ABHD12: variants seen among roughly 807,000 people sequenced by gnomAD.
The protein encoded by ABHD12 is abhydrolase domain containing 12, lysophospholipase, also known as lysophosphatidylserine lipase ABHD12.
ABHD12 carries 43 observed loss-of-function variants against 58.3 expected under a neutral mutation model. The observed-to-expected ratio is 0.74, with a 90% CI of 0.58 to 0.95. ABHD12 has a LOEUF of 0.95. ABHD12 is among the 40% of genes least tolerant of loss of function. The pLI, the probability that ABHD12 is intolerant of heterozygous loss-of-function variation, is 0.00. For synonymous variants in ABHD12, 219 were observed against 211.2 expected (o/e 1.04, Z -0.32); for missense variants, 539 against 537.2 (o/e 1.00, Z -0.03).
Position 25,309,491 on chromosome 20 carries a change from C to T in ABHD12, c.704G>A (p.Ser235Asn). Residue 235 changes from serine to asparagine, a missense_variant, in exon 7 of 13, where the codon AGT (serine) becomes AAT (asparagine). Ser to Asn is a conservative substitution (Grantham distance 46, BLOSUM62 1). Coordinates refer to ENST00000339157, the MANE Select transcript of ABHD12 (RefSeq NM_001042472.3). ...LHVFDWIKAR[S>N]GDNPVYIWGH... ...CCAGATGTACACGGGGTTGTCACCA[C>T]TTCTTGCTTTGATCCAGTCAAAAAC... is the stretch of plus-strand genomic sequence containing the variant. 6.2e-7 allele frequency: 1 copy of T among 1,614,218 alleles called. No individual in the cohort carries two copies. Among genetic ancestry groups the T allele is most frequent in the Middle Eastern group, 1.6e-4 (1 of 6,062 alleles).
intron 12 of ABHD12, 70 bp from the exon 13 acceptor site, chr20:25,300,954 A>G (rs1313131439): frequency 3.3e-6 from 5 of 1,501,786 alleles, no homozygotes; most frequent in East Asian, 2.3e-5. Context: ...CAGTCCTCAC[A>G]CTGCTATCTA....
At chr20:25,327,714 T>C (rs2089199987) in intron 2 of ABHD12, among the ~76,000 whole-genome samples, 1 of 152,110 alleles carries the variant, frequency 6.6e-6, no homozygotes. Context: ...AGGACTAACA[T>C]TTTGGCCACA....
chr20:25,329,644 T>TA (rs757116767), intron 2 of ABHD12, among the ~76,000 whole-genome samples: 42 of 152,316 alleles, frequency 2.8e-4, no homozygotes, highest in Middle Eastern at 3.4e-3. Flanking sequence ...GGCTGAAACT[T>TA]ACTGAGCTGT....
intron 1 of ABHD12, among the ~76,000 whole-genome samples, chr20:25,370,508 G>A (rs146822892): frequency 1.6e-3 from 247 of 152,306 alleles, no homozygotes; most frequent in Middle Eastern, 3.4e-3. Context: ...TTTCTCTCAA[G>A]TGACACTGGC....
intron 10 of ABHD12, among the ~76,000 whole-genome samples, chr20:25,304,103 A>G (rs998583319): frequency 1.3e-5 from 2 of 152,262 alleles, no homozygotes; most frequent in Non-Finnish European, 2.9e-5. Context: ...AAACCACATA[A>G]CAGAAGCATG....
downstream of ABHD12, chr20:25,297,927 C>T (rs1394383427): frequency 2.0e-5 from 3 of 152,318 alleles, no homozygotes; most frequent in Admixed American, 6.5e-5. Flanking sequence ...CCACTGGGGC[C>T]ACCACCCTGA....
rs1177564412 is a variant in ABHD12 at position 25,312,796 on chromosome 20, G to T, written c.619+2129C>A. On this transcript the variant is annotated intron_variant, in intron 6 of 12. Transcript: ENST00000339157. ...GGGAGCGCCTCTGCCCCGCCGCCCC[G>T]TCTGGGATGTGAGGAGCGCCTCTGC... Among the ~76,000 whole-genome samples the T allele has an allele frequency of 1.6e-3, 234 of 143,840 alleles. 1 individual carries two copies. The highest frequency in any genetic ancestry group is 5.8e-3 in the African/African-American group (220 of 38,166). The allele number at this position is 143,840 out of a possible 152,430, so 94.4% of individuals were successfully genotyped here. A position where few individuals can be genotyped will look rare whatever the true frequency, so the allele number is the denominator to read the frequency against.
chr20:25,324,692 C>T (rs1175795393), intron 2 of ABHD12, among the ~76,000 whole-genome samples: 2 of 152,186 alleles, frequency 1.3e-5, no homozygotes, highest in African/African-American at 2.4e-5. Context: ...CTCACGAGGA[C>T]ATGGGGACAT....
intron 6 of ABHD12, among the ~76,000 whole-genome samples, chr20:25,311,320 C>A (rs2088845587): frequency 6.6e-6 from 1 of 152,154 alleles, no homozygotes; most frequent in South Asian, 2.1e-4. Flanking sequence ...GGGTCAGAGC[C>A]AGATGACCTG....
chr20:25,315,175 C>A (rs955764802), intron 5 of ABHD12, among the ~76,000 whole-genome samples: 3 of 152,194 alleles, frequency 2.0e-5, no homozygotes, highest in African/African-American at 7.2e-5. Context: ...TTGCTGACAT[C>A]CCTGCCTGGG....
intron 1 of ABHD12, among the ~76,000 whole-genome samples, chr20:25,357,167 C>T (rs2089679753): frequency 1.3e-5 from 2 of 152,194 alleles, no homozygotes; most frequent in African/African-American, 4.8e-5. Context: ...CCCTCTCTAG[C>T]ACTTCCTCAC....
At chr20:25,325,788 C>CA (rs1023898767) in intron 2 of ABHD12, among the ~76,000 whole-genome samples, 1 of 152,078 alleles carries the variant, frequency 6.6e-6, no homozygotes, top group Non-Finnish European at 1.5e-5. Flanking sequence ...TAAATGCAGC[C>CA]AGCCAGGCGT....
chr20:25,390,649 C>A lies in ABHD12; in HGVS notation c.55G>T (p.Gly19Cys), dbSNP rs766367425. Residue 19 changes from glycine to cysteine, a missense_variant, in exon 1 of 13, where the codon GGC (glycine) becomes TGC (cysteine). Physicochemically the swap from Gly to Cys is radical, Grantham distance 159 (BLOSUM62 -3). Coordinates refer to ENST00000339157, the MANE Select transcript of ABHD12 (RefSeq NM_001042472.3). ...ALEHERCAAA[G>C]SSSSGSAAAA... ...GCGGCCGAGCCGGAGGAGGACGAGC[C>A]CGCGGCGGCGCAGCGCTCATGCTCC... The A allele has an allele frequency of 6.9e-7, 1 of 1,445,308 alleles. No individual in the cohort carries two copies. Among genetic ancestry groups the A allele is most frequent in the South Asian group, 1.3e-5 (1 of 75,696 alleles). 89.5% of individuals were successfully genotyped at this position (1,445,308 alleles called of 1,614,324 possible). A position where few individuals can be genotyped will look rare whatever the true frequency, so the allele number is the denominator to read the frequency against.
downstream of ABHD12, chr20:25,296,274 C>A: frequency 6.8e-7 from 1 of 1,474,434 alleles, no homozygotes. Context: ...AGGCTCGGAG[C>A]TCATTTGGAA....
chr20:25,352,346 T>C (rs186593310), intron 1 of ABHD12, among the ~76,000 whole-genome samples: 6 of 152,150 alleles, frequency 3.9e-5, no homozygotes, highest in East Asian at 3.9e-4. Flanking sequence ...TGGAGTACAG[T>C]GGCAGGATCC....
chr20:25,315,030 C>T (rs2088934205), intron 5 of ABHD12, 60 bp from the exon 6 acceptor site: 1 of 1,578,074 alleles, frequency 6.3e-7, no homozygotes, highest in African/African-American at 1.3e-5. Context: ...TTGAGGGCAG[C>T]TTGCCGCTTA....
intron 1 of ABHD12, among the ~76,000 whole-genome samples, chr20:25,364,880 C>T (rs1337121155): frequency 6.6e-6 from 1 of 152,206 alleles, no homozygotes. Context: ...CCATACAGAT[C>T]AGGGGCCCAA....
At chr20:25,388,042 A>G (rs561779548) in intron 1 of ABHD12, among the ~76,000 whole-genome samples, 3 of 141,250 alleles carry the variant, frequency 2.1e-5, no homozygotes, top group African/African-American at 8.0e-5. Context: ...CCTTCTCAAA[A>G]AAAAAAAAAA....
intron 2 of ABHD12, among the ~76,000 whole-genome samples, chr20:25,329,008 C>A (rs977720672): frequency 6.6e-6 from 1 of 152,198 alleles, no homozygotes; most frequent in African/African-American, 2.4e-5. Context: ...GGTTGGCGTG[C>A]GCAGGGTCAC....
Sources: gnomAD v4.1 joint callset for allele counts (sites outside exome capture counted in the v4.1 genomes callset) on GRCh38, gnomAD v4.1.1 for gene constraint, MANE v1.5 for transcripts, NCBI Gene and HGNC (gene_info 2026-07-23, HGNC 2026-07-21) for gene names.